The following AMOTL1 variants were observed in gnomAD, a reference collection of about 807,000 sequenced individuals.
AMOTL1 encodes the protein angiomotin like 1.
In AMOTL1, 45 loss-of-function variants were observed where a neutral mutation model predicts 102.9. That is an observed-to-expected ratio of 0.44 (90% confidence interval 0.34 to 0.56). AMOTL1 has a LOEUF of 0.56. Ranked by LOEUF, AMOTL1 falls within the 20% of genes least tolerant of loss-of-function variation. AMOTL1 has a pLI of 0.01. For synonymous variants in AMOTL1, 481 were observed against 484.7 expected (o/e 0.99, Z 0.10); for missense variants, 1,114 against 1,225.6 (o/e 0.91, Z 1.36).
At chr11:94,771,889 G>A (rs1320365555) in intron 1 of AMOTL1, among the ~76,000 whole-genome samples, 1 of 152,212 alleles carries the variant, frequency 6.6e-6, no homozygotes, top group African/African-American at 2.4e-5. Context: ...TTAAGATACT[G>A]AAGAATTAGA....
At position 94,740,989 on chromosome 11, in the gene AMOTL1, G is replaced by A. The variant is rs1950516025; in HGVS notation, c.136+1G>A. 2 of 1,288,790 alleles carry A rather than the reference G, an allele frequency of 1.6e-6. No individual in the cohort carries two copies. Among genetic ancestry groups the A allele is most frequent in the African/African-American group, 1.5e-5 (1 of 65,632 alleles). 79.8% of individuals were successfully genotyped at this position (1,288,790 alleles called of 1,614,324 possible). On this transcript the variant is annotated splice_donor_variant, in intron 3 of 4. Transcript: ENST00000299004. LOFTEE classifies it high-confidence loss of function. The stretch of plus-strand genomic sequence containing the variant: ...GCATCCTACAGCCCAGACGAGTTAG[G>A]TAAGTCTGCTCATTTTGTCTTTTAT...
intron 1 of AMOTL1, among the ~76,000 whole-genome samples, chr11:94,719,082 T>C (rs1391766335): frequency 1.3e-5 from 2 of 152,046 alleles, no homozygotes; most frequent in African/African-American, 2.4e-5. Context: ...TAGACAATTG[T>C]CCCAATAATT....
rs114442593 is a variant in AMOTL1 at position 94,833,021 on chromosome 11, A to G, written c.1648+1480A>G. 6.3e-3 allele frequency among the ~76,000 whole-genome samples: 964 copies of G among 152,372 alleles called. 17 individuals carry two copies. The highest frequency in any genetic ancestry group is 0.022 in the African/African-American group (924 of 41,584). On this transcript the variant is annotated intron_variant, in intron 6 of 12. Coordinates refer to ENST00000433060, the MANE Select transcript of AMOTL1 (RefSeq NM_130847.3). The stretch of plus-strand genomic sequence containing the variant: ...GTGAACTCAGAAATGTTCTTCAGAA[A>G]GACTTTAACCTTCTGGCTCAAAGCT...
intron 1 of AMOTL1, among the ~76,000 whole-genome samples, chr11:94,722,248 T>C (rs1324127521): frequency 6.6e-6 from 1 of 152,166 alleles, no homozygotes; most frequent in Non-Finnish European, 1.5e-5. Context: ...CACATCTTTT[T>C]TTCAGAGAAG....
At chr11:94,739,426 C>T (rs946349409) in intron 2 of AMOTL1, among the ~76,000 whole-genome samples, 2 of 152,150 alleles carry the variant, frequency 1.3e-5, no homozygotes, top group Admixed American at 1.3e-4. Flanking sequence ...ACAGCCCCAC[C>T]CCTGCTTCCC....
chr11:94,843,238 T>C (rs982527015), intron 6 of AMOTL1, among the ~76,000 whole-genome samples: 7 of 152,256 alleles, frequency 4.6e-5, no homozygotes, highest in African/African-American at 1.4e-4. Flanking sequence ...AAGTAGATCG[T>C]GTTTCATGTT....
chr11:94,830,760 AC>A (rs552460775), intron 5 of AMOTL1, among the ~76,000 whole-genome samples: 3 of 152,316 alleles, frequency 2.0e-5, no homozygotes, highest in African/African-American at 7.2e-5. Context: ...CAATGAGTTA[AC>A]CTATAAATGT....
At chr11:94,749,450 T>C (rs1950625864) in intron 3 of AMOTL1, among the ~76,000 whole-genome samples, 1 of 152,196 alleles carries the variant, frequency 6.6e-6, no homozygotes, top group African/African-American at 2.4e-5. Flanking sequence ...CAGCCTCTTC[T>C]GGAAACACCC....
intron 9 of AMOTL1, among the ~76,000 whole-genome samples, chr11:94,864,485 T>C (rs1453800110): frequency 6.6e-6 from 1 of 152,016 alleles, no homozygotes; most frequent in African/African-American, 2.4e-5. Context: ...GTGAAGGAGT[T>C]TGTGGAGTTT....
intron 6 of AMOTL1, among the ~76,000 whole-genome samples, chr11:94,836,364 G>T (rs1485360991): frequency 6.6e-6 from 1 of 152,124 alleles, no homozygotes; most frequent in Non-Finnish European, 1.5e-5. Context: ...GGGCTCCTTG[G>T]GGTGAAGCTC....
intron 6 of AMOTL1, among the ~76,000 whole-genome samples, chr11:94,846,946 T>C (rs1459870427): frequency 1.3e-5 from 2 of 152,318 alleles, no homozygotes; most frequent in African/African-American, 4.8e-5. Flanking sequence ...TGGGAAGATA[T>C]TGTTACTACT....
At chr11:94,783,568 A>G (rs941080223) in intron 1 of AMOTL1, among the ~76,000 whole-genome samples, 1 of 152,168 alleles carries the variant, frequency 6.6e-6, no homozygotes, top group African/African-American at 2.4e-5. Context: ...ATGAGCCAAA[A>G]CAAGAAGGTC....
chr11:94,763,608 A>T (rs1442157153), upstream of AMOTL1, among the ~76,000 whole-genome samples: 11 of 152,246 alleles, frequency 7.2e-5, no homozygotes, highest in Admixed American at 7.2e-4. Flanking sequence ...TAATATAAAC[A>T]GTTGATTAAC....
chr11:94,742,878 A>G (rs1950544880), intron 3 of AMOTL1, among the ~76,000 whole-genome samples: 1 of 152,224 alleles, frequency 6.6e-6, no homozygotes, highest in Admixed American at 6.5e-5. Flanking sequence ...GAAAAGGGCC[A>G]GGGAGCTCTT....
rs748474288 is a variant in AMOTL1, at chr11:94,799,461, G to A, written c.271G>A (p.Glu91Lys). The change falls in exon 3 of 13, where the codon GAG becomes AAG. Residue 91 changes from glutamate (E) to lysine (K), a missense_variant. Transcript: ENST00000433060. The surrounding 1 kb of genome is among the most constrained non-coding windows in gnomAD (Gnocchi z 4.5). ...CTCAGAGGTGGAAATGAGAGGTTCC[G>A]AGGATGCGGCAGCTGGAACAGTATT... ...RISEVEMRGS[E>K]DAAAGTVLQR... 2.5e-6 allele frequency: 4 copies of A among 1,608,108 alleles called. No individual in the cohort carries two copies. Among genetic ancestry groups the A allele is most frequent in the South Asian group, 2.2e-5 (2 of 89,804 alleles).
chr11:94,716,407 T>A (rs1164149249), intron 1 of AMOTL1, among the ~76,000 whole-genome samples: 1 of 152,174 alleles, frequency 6.6e-6, no homozygotes, highest in Non-Finnish European at 1.5e-5. Context: ...GTAAGATGAA[T>A]GACTTCCACT....
At chr11:94,797,764 G>A (rs1031039622) in intron 2 of AMOTL1, among the ~76,000 whole-genome samples, 10 of 152,328 alleles carry the variant, frequency 6.6e-5, no homozygotes, top group Admixed American at 2.6e-4. Context: ...GAAACTATAT[G>A]TACATAAGTA....
chr11:94,805,409 G>A (rs1353387356), intron 3 of AMOTL1, among the ~76,000 whole-genome samples: 2 of 152,124 alleles, frequency 1.3e-5, no homozygotes, highest in Non-Finnish European at 2.9e-5. Context: ...GCTTTCATTT[G>A]GAGGTGCTTT....
intron 6 of AMOTL1, among the ~76,000 whole-genome samples, chr11:94,836,757 CTTCT>C (rs1312492256): frequency 1.4e-5 from 2 of 142,226 alleles, no homozygotes; most frequent in African/African-American, 5.0e-5. Context: ...TTCTTCCTTC[CTTCT>C]TTTTTTTTTT....
Sources: allele counts gnomAD v4.1 joint callset (sites outside exome capture counted in the v4.1 genomes callset), GRCh38; gene constraint gnomAD v4.1.1; non-coding constraint Gnocchi (gnomAD v3.1); transcripts MANE v1.5; gene names NCBI Gene and HGNC (gene_info 2026-07-23, HGNC 2026-07-21).